Variants in LHFPL3 observed in about 807,000 individuals in gnomAD.
LHFPL3 encodes LHFPL tetraspan subfamily member 3, also known as LHFPL tetraspan subfamily member 3 protein.
Under a neutral mutation model 19.3 loss-of-function variants are expected in LHFPL3, and 5 were observed. That is an observed-to-expected ratio of 0.26 (90% CI 0.14 to 0.54). The LOEUF (loss-of-function observed/expected upper bound fraction) is 0.54. Among genes scored for constraint, LHFPL3 ranks in the 20% least tolerant of loss-of-function variants. The pLI is 0.94. For synonymous variants in LHFPL3, 133 were observed against 126.2 expected (o/e 1.05, Z -0.36); for missense variants, 249 against 307.4 (o/e 0.81, Z 1.42).
intron 1 of LHFPL3, among the ~76,000 whole-genome samples, chr7:104,568,563 CT>C (rs1258732967): frequency 1.3e-5 from 2 of 152,202 alleles, no homozygotes; most frequent in Non-Finnish European, 2.9e-5. Context: ...GTCTACTGTT[CT>C]TTCCATTATC....
intron 2 of LHFPL3, among the ~76,000 whole-genome samples, chr7:104,757,195 A>T (rs1794301652): frequency 1.3e-5 from 2 of 152,240 alleles, no homozygotes; most frequent in African/African-American, 4.8e-5. Context: ...TCCACCATAT[A>T]CAAAAATTAA....
intron 1 of LHFPL3, among the ~76,000 whole-genome samples, chr7:104,610,999 G>A (rs13438590): frequency 0.044 from 6,699 of 152,200 alleles, 167 homozygotes; most frequent in African/African-American, 0.063. Context: ...TGACTCCTAT[G>A]AAGCAATGAG....
intron 1 of LHFPL3, among the ~76,000 whole-genome samples, chr7:104,430,439 T>TACATATATATATATAC (rs1791970362): frequency 1.1e-4 from 2 of 17,756 alleles, no homozygotes; most frequent in Non-Finnish European, 2.0e-4. Context: ...TATATATATA[T>TACATATATATATATAC]ATATATATAT....
At chr7:104,699,674 T>G (rs1793064217) in intron 1 of LHFPL3, among the ~76,000 whole-genome samples, 2 of 152,192 alleles carry the variant, frequency 1.3e-5, no homozygotes, top group South Asian at 4.1e-4. Context: ...AACTGTATAC[T>G]TAATGATTAA....
intron 2 of LHFPL3, among the ~76,000 whole-genome samples, chr7:104,813,551 G>T (rs1790513957): frequency 6.6e-6 from 1 of 152,272 alleles, no homozygotes; most frequent in African/African-American, 2.4e-5. Flanking sequence ...ACTAGCCTGG[G>T]TCCCATGCCT....
chr7:104,770,879 T>A (rs35222096), intron 2 of LHFPL3, among the ~76,000 whole-genome samples: 66,714 of 152,022 alleles, frequency 0.44, 15,759 homozygotes, highest in South Asian at 0.6. Flanking sequence ...CCCTTGCAAC[T>A]TGCATATTGT....
At chr7:104,695,539 G>T (rs1792981933) in intron 1 of LHFPL3, among the ~76,000 whole-genome samples, 1 of 152,160 alleles carries the variant, frequency 6.6e-6, no homozygotes, top group African/African-American at 2.4e-5. Context: ...ATCCTAATTT[G>T]TAAACAAGGC....
At chr7:104,342,458 A>G (rs903601605) in intron 1 of LHFPL3, among the ~76,000 whole-genome samples, 2 of 152,136 alleles carry the variant, frequency 1.3e-5, no homozygotes, top group Non-Finnish European at 2.9e-5. Flanking sequence ...ACCTAATTTA[A>G]TTACCAGTTC....
At chr7:104,566,876 C>A (rs577471216) in intron 1 of LHFPL3, among the ~76,000 whole-genome samples, 2 of 152,310 alleles carry the variant, frequency 1.3e-5, no homozygotes, top group East Asian at 3.9e-4. Context: ...TCATGAGGTA[C>A]TTCATAAGAA....
intron 1 of LHFPL3, among the ~76,000 whole-genome samples, chr7:104,451,873 T>C (rs914114559): frequency 6.6e-6 from 1 of 152,108 alleles, no homozygotes; most frequent in African/African-American, 2.4e-5. Flanking sequence ...GCCTTCCAAG[T>C]AGCTGCAGCT....
chr7:104,631,152 C>T (rs1167990273), intron 1 of LHFPL3, among the ~76,000 whole-genome samples: 3 of 152,060 alleles, frequency 2.0e-5, no homozygotes, highest in Non-Finnish European at 2.9e-5. Flanking sequence ...ACAACAACAA[C>T]AACAACAACA....
chr7:104,826,169 G>A lies in LHFPL3; in HGVS notation c.683-80018G>A, dbSNP rs531619010. Among the ~76,000 whole-genome samples the A allele has an allele frequency of 1.2e-3, 181 of 152,034 alleles. 3 individuals are homozygous for A. Among genetic ancestry groups the A allele is most frequent in the African/African-American group, 4.0e-3 (166 of 41,340 alleles). On this transcript the variant is annotated intron_variant, in intron 2 of 2. Transcript: ENST00000424859. ...TATCACCAAGGCTGCTGACCAGCCC[G>A]GCAGCCAGTGTTCCCTGGTCTGTCC...
rs117090605 is a variant in LHFPL3, at chr7:104,787,309, C to T, written c.682+50398C>T. On this transcript the variant is annotated intron_variant, in intron 2 of 2. Coordinates refer to ENST00000424859, the MANE Select transcript of LHFPL3 (RefSeq NM_199000.3). ...GCTCATTCCCAGTACAGTAATGTGG[C>T]CTCAAACAATAGAAAGCATGAAAAC... Among the ~76,000 whole-genome samples the T allele has an allele frequency of 3.2e-3, 487 of 152,274 alleles. 1 individual carries two copies. Among genetic ancestry groups the T allele is most frequent in the Non-Finnish European group, 5.1e-3 (350 of 68,018 alleles).
chr7:104,610,898 C>A (rs1264896522), intron 1 of LHFPL3, among the ~76,000 whole-genome samples: 1 of 152,234 alleles, frequency 6.6e-6, no homozygotes, highest in Non-Finnish European at 1.5e-5. Flanking sequence ...GCTACTCTCT[C>A]AAACACACAC....
intron 1 of LHFPL3, among the ~76,000 whole-genome samples, chr7:104,547,242 C>CAAAAAAAAAAAAAAAA: frequency 1.0e-4 from 1 of 9,638 alleles, no homozygotes; most frequent in African/African-American, 3.3e-4. Flanking sequence ...GACTCCGTCT[C>CAAAAAAAAAAAAAAAA]AAAAAAAAAA....
At chr7:104,768,563 TC>T (rs1272269454) in intron 2 of LHFPL3, 2 of 152,214 alleles carry the variant, frequency 1.3e-5, no homozygotes, top group African/African-American at 4.8e-5. Flanking sequence ...ATGCTCCTCT[TC>T]CTAGCAGCAG....
At chr7:104,733,495 T>C (rs1054723492) in intron 1 of LHFPL3, among the ~76,000 whole-genome samples, 37 of 152,228 alleles carry the variant, frequency 2.4e-4, no homozygotes, top group African/African-American at 8.7e-4. Context: ...TTTGTCTCTT[T>C]TGATCTTTGT....
intron 1 of LHFPL3, among the ~76,000 whole-genome samples, chr7:104,703,275 A>G (rs1584488252): frequency 6.6e-6 from 1 of 152,224 alleles, no homozygotes; most frequent in African/African-American, 2.4e-5. Context: ...ACAAATGTCA[A>G]TTAACTTGAC....
In LHFPL3 at chr7:104,842,714, ATTTCCTTTGAAATCATC is replaced by A. The variant is rs1480248046; in HGVS notation, c.683-63470_683-63454del. On this transcript the variant is annotated intron_variant, in intron 2 of 2. Coordinates refer to ENST00000424859, the MANE Select transcript of LHFPL3 (RefSeq NM_199000.3). ...GCAAGATAATGACTTATTTGAAATG[ATTTCCTTTGAAATCATC>A]TTGTATTTCCTAGCCTAGTTATAAT... Among the ~76,000 whole-genome samples the A allele has an allele frequency of 3.3e-5, 5 of 152,328 alleles. No homozygotes were observed. The East Asian group carries it at 9.6e-4, about 29-fold the overall frequency.
Sources: gnomAD v4.1 joint callset for allele counts (sites outside exome capture counted in the v4.1 genomes callset) on GRCh38, gnomAD v4.1.1 for gene constraint, MANE v1.5 for transcripts, NCBI Gene and HGNC (gene_info 2026-07-23, HGNC 2026-07-21) for gene names.